SNX29: variants seen among roughly 807,000 people sequenced by gnomAD.
SNX29 encodes sorting nexin 29, also known as sorting nexin-29.
A neutral mutation model predicts 102.1 loss-of-function variants in SNX29; 78 were observed. That is an observed-to-expected ratio of 0.76 (90% confidence interval 0.64 to 0.92). SNX29 has a LOEUF of 0.92. Among genes scored for constraint, SNX29 ranks in the 40% least tolerant of loss-of-function variants. The pLI is 0.00. For missense variants in SNX29, 1,280 were observed against 1,061.7 expected (o/e 1.21, Z -2.86); for synonymous variants, 580 against 414.5 (o/e 1.40, Z -4.85).
chr16:12,522,559 T>G (rs567633766), intron 19 of SNX29, among the ~76,000 whole-genome samples: 1 of 152,180 alleles, frequency 6.6e-6, no homozygotes, highest in South Asian at 2.1e-4. Context: ...GGGGGTGGAT[T>G]TCCTCCTTGC....
At chr16:12,125,876 A>G (rs1007262276) in intron 11 of SNX29, among the ~76,000 whole-genome samples, 1 of 151,956 alleles carries the variant, frequency 6.6e-6, no homozygotes, top group African/African-American at 2.4e-5. Context: ...ATTTTCAGCT[A>G]TGAGGTCTGA....
At chr16:12,461,767 G>A (rs544307354) in intron 18 of SNX29, among the ~76,000 whole-genome samples, 5 of 150,876 alleles carry the variant, frequency 3.3e-5, no homozygotes, top group Non-Finnish European at 7.4e-5. Context: ...GACCAGCTTG[G>A]CTAACATGGT....
At chr16:12,180,826 G>C (rs1180578535) in intron 13 of SNX29, among the ~76,000 whole-genome samples, 1 of 152,166 alleles carries the variant, frequency 6.6e-6, no homozygotes, top group Non-Finnish European at 1.5e-5. Flanking sequence ...GAAACTTTAG[G>C]AGAGAGGCGT....
intron 16 of SNX29, among the ~76,000 whole-genome samples, chr16:12,370,775 G>A (rs1027504339): frequency 6.6e-6 from 1 of 152,186 alleles, no homozygotes; most frequent in African/African-American, 2.4e-5. Flanking sequence ...TGGCCAGCTG[G>A]TCTGTGGGAA....
At chr16:11,999,252 T>C (rs1452013005) in intron 1 of SNX29, 45 bp from the exon 2 acceptor site, 1 of 1,593,876 alleles carries the variant, frequency 6.3e-7, no homozygotes, top group African/African-American at 1.3e-5. Flanking sequence ...GGGACAGCCG[T>C]GTCCGAGCGT....
At chr16:12,001,847 T>C (rs969152934) in intron 2 of SNX29, among the ~76,000 whole-genome samples, 1 of 151,778 alleles carries the variant, frequency 6.6e-6, no homozygotes. Flanking sequence ...GTGAGACCCC[T>C]GTCTCTACAA....
At chr16:12,415,124 A>C (rs1475080556) in intron 18 of SNX29, among the ~76,000 whole-genome samples, 2 of 152,250 alleles carry the variant, frequency 1.3e-5, no homozygotes, top group Non-Finnish European at 2.9e-5. Flanking sequence ...GCAAGGCTCC[A>C]AGTCCGGGCA....
Position 12,279,840 on chromosome 16 carries a change from G to T in SNX29, c.1782+1804G>T, listed in dbSNP as rs145466679. Among the ~76,000 whole-genome samples the T allele has an allele frequency of 2.5e-3, 383 of 152,312 alleles. 2 individuals carry two copies. The highest frequency in any genetic ancestry group is 8.4e-3 in the African/African-American group (348 of 41,578). On this transcript the variant is annotated intron_variant, in intron 15 of 20. Coordinates refer to ENST00000566228, the MANE Select transcript of SNX29 (RefSeq NM_032167.5). ...CCTGATGAGCTAGAGAAGGTGAAAG[G>T]GTTCTCAGAATGAAAGTGCAGGATG...
chr16:12,501,576 G>C (rs2089124752), intron 19 of SNX29, among the ~76,000 whole-genome samples: 1 of 151,914 alleles, frequency 6.6e-6, no homozygotes, highest in African/African-American at 2.4e-5. Context: ...ACAAAAATTA[G>C]CTGAGCATGG....
chr16:12,149,546 T>G (rs2055210267), intron 13 of SNX29, among the ~76,000 whole-genome samples: 1 of 152,222 alleles, frequency 6.6e-6, no homozygotes. Context: ...GTCCCTATAG[T>G]GATTAACAAA....
chr16:12,142,813 G>C (rs566176302), intron 13 of SNX29, among the ~76,000 whole-genome samples: 1 of 151,596 alleles, frequency 6.6e-6, no homozygotes, highest in South Asian at 2.1e-4. Flanking sequence ...CCACTGCCTC[G>C]GCCTCCCAAA....
intron 20 of SNX29, among the ~76,000 whole-genome samples, chr16:12,552,251 C>T (rs868867573): frequency 5.4e-5 from 8 of 147,014 alleles, no homozygotes; most frequent in Non-Finnish European, 9.1e-5. Flanking sequence ...GCTTTGCCTC[C>T]TAGGGGCTCG....
intron 14 of SNX29, among the ~76,000 whole-genome samples, chr16:12,252,106 C>T (rs1450073556): frequency 3.3e-5 from 5 of 152,196 alleles, no homozygotes; most frequent in Non-Finnish European, 7.3e-5. Context: ...TCTCCCAAGC[C>T]CAGTTTACTC....
chr16:12,147,258 T>A (rs2141555858), intron 13 of SNX29, among the ~76,000 whole-genome samples: 1 of 152,268 alleles, frequency 6.6e-6, no homozygotes, highest in East Asian at 1.9e-4. Context: ...ATGCAGCTGT[T>A]AAGGGAAAAG....
At position 12,569,935 on chromosome 16, in the gene SNX29, C is replaced by G. The variant is rs997851353; in HGVS notation, c.*1306C>G. 1 of 232,650 alleles carries G rather than the reference C, an allele frequency of 4.3e-6. No homozygotes were observed. The highest frequency in any genetic ancestry group is 8.5e-6 in the Non-Finnish European group (1 of 117,962). The allele number at this position is 232,650 out of a possible 1,614,324, so 14.4% of individuals were successfully genotyped here. On this transcript the variant is annotated 3_prime_UTR_variant, in exon 21 of 21. Transcript: ENST00000566228. ...ACACAGCAGAACCTGAGGAGAAAAGCAGGTGGAAGGTGACGGTTAGATGGT... is the reference window on the plus strand; with the variant it reads ...ACACAGCAGAACCTGAGGAGAAAAGGAGGTGGAAGGTGACGGTTAGATGGT...
intron 1 of SNX29, among the ~76,000 whole-genome samples, chr16:11,980,016 T>C (rs911040859): frequency 1.2e-4 from 19 of 152,256 alleles, no homozygotes; most frequent in African/African-American, 4.3e-4. Flanking sequence ...CATTGGTTTG[T>C]GTTTTAAATC....
chr16:12,040,432 A>G (rs2049832877), intron 4 of SNX29, among the ~76,000 whole-genome samples: 1 of 152,192 alleles, frequency 6.6e-6, no homozygotes, highest in African/African-American at 2.4e-5. Flanking sequence ...ACATGTGGAT[A>G]AAAAGTAGTG....
At chr16:12,286,344 AT>A (rs569920963) in intron 15 of SNX29, among the ~76,000 whole-genome samples, 9,714 of 128,862 alleles carry the variant, frequency 0.075, 622 homozygotes, top group African/African-American at 0.19. Flanking sequence ...ACCTCCAAGG[AT>A]TTTTTTTTTT....
chr16:12,291,666 G>A (rs2079799438), intron 15 of SNX29, among the ~76,000 whole-genome samples: 1 of 152,216 alleles, frequency 6.6e-6, no homozygotes, highest in African/African-American at 2.4e-5. Flanking sequence ...ACTCTGTAGA[G>A]TTAACTTAGG....
Sources: gnomAD v4.1 joint callset for allele counts (sites outside exome capture counted in the v4.1 genomes callset) on GRCh38, gnomAD v4.1.1 for gene constraint, MANE v1.5 for transcripts, NCBI Gene and HGNC (gene_info 2026-07-23, HGNC 2026-07-21) for gene names.